The following RBFOX1 variants were observed in gnomAD, a reference collection of about 807,000 sequenced individuals.
RBFOX1 encodes the protein RNA binding protein fox-1 homolog 1.
Under a neutral mutation model 57.7 loss-of-function variants are expected in RBFOX1, and 8 were observed. That is an observed-to-expected ratio of 0.14 (90% CI 0.08 to 0.25). The LOEUF (loss-of-function observed/expected upper bound fraction) is 0.25, where lower values mean the gene tolerates loss of function less well. Among genes scored for constraint, RBFOX1 ranks in the 10% least tolerant of loss-of-function variants. The pLI, the probability that RBFOX1 is intolerant of heterozygous loss-of-function variation, is 1.00. For synonymous variants in RBFOX1, 326 were observed against 222.4 expected (o/e 1.47, Z -4.15); for missense variants, 611 against 548.5 (o/e 1.11, Z -1.14).
At chr16:7,458,157 C>T (rs571988240) in intron 4 of RBFOX1, among the ~76,000 whole-genome samples, 10 of 152,256 alleles carry the variant, frequency 6.6e-5, no homozygotes, top group African/African-American at 1.7e-4. Context: ...TCATGGTGTG[C>T]ACCACACGTC....
At chr16:6,531,974 A>G (rs914663859) in intron 2 of RBFOX1, among the ~76,000 whole-genome samples, 4 of 152,186 alleles carry the variant, frequency 2.6e-5, no homozygotes. Flanking sequence ...TAGTTGAAAA[A>G]GCAGTGTTGG....
intron 3 of RBFOX1, among the ~76,000 whole-genome samples, chr16:5,775,199 C>T (rs117816987): frequency 1.3e-5 from 2 of 152,276 alleles, no homozygotes; most frequent in African/African-American, 2.4e-5. Context: ...AATACCCTAA[C>T]GGGGGACATA....
At chr16:5,621,075 C>T (rs1482597343) in intron 3 of RBFOX1, among the ~76,000 whole-genome samples, 7 of 152,188 alleles carry the variant, frequency 4.6e-5, no homozygotes, top group Admixed American at 3.3e-4. Context: ...GTCCTGACCT[C>T]GTGATCCGCC....
At chr16:6,217,403 C>G (rs1452168800) in intron 1 of RBFOX1, among the ~76,000 whole-genome samples, 1 of 151,812 alleles carries the variant, frequency 6.6e-6, no homozygotes, top group Non-Finnish European at 1.5e-5. Flanking sequence ...TCAGTGATCT[C>G]TCAGAATTGA....
chr16:6,966,956 A>C (rs7185845), intron 3 of RBFOX1, among the ~76,000 whole-genome samples: 1 of 151,000 alleles, frequency 6.6e-6, no homozygotes, highest in Admixed American at 6.6e-5. Context: ...CCTATTATCT[A>C]TTTGCCTATA....
intron 4 of RBFOX1, among the ~76,000 whole-genome samples, chr16:6,011,575 AG>A (rs1032270537): frequency 2.6e-5 from 4 of 152,186 alleles, no homozygotes; most frequent in African/African-American, 9.7e-5. Context: ...CTGTAGTTAA[AG>A]GTCATGTCTC....
intron 3 of RBFOX1, among the ~76,000 whole-genome samples, chr16:6,823,559 C>T (rs112851595): frequency 7.6e-4 from 116 of 152,188 alleles, no homozygotes; most frequent in African/African-American, 2.6e-3. Flanking sequence ...GTCTGGCCAC[C>T]ACATGAAATT....
At chr16:5,914,352 G>A (rs1026571707) in intron 4 of RBFOX1, among the ~76,000 whole-genome samples, 17 of 152,306 alleles carry the variant, frequency 1.1e-4, no homozygotes, top group African/African-American at 3.6e-4. Flanking sequence ...TTCCCCTGGT[G>A]CAGGATCTCT....
chr16:7,450,708 G>C (rs557521447), intron 4 of RBFOX1, among the ~76,000 whole-genome samples: 1 of 152,110 alleles, frequency 6.6e-6, no homozygotes, highest in Non-Finnish European at 1.5e-5. Context: ...CCTACTGGGC[G>C]CCAGGCATGG....
At chr16:6,798,948 T>G (rs565767945) in intron 3 of RBFOX1, among the ~76,000 whole-genome samples, 74 of 152,292 alleles carry the variant, frequency 4.9e-4, no homozygotes, top group African/African-American at 1.8e-3. Context: ...TCTCTTCAAA[T>G]GGCTACTTGT....
At chr16:6,801,464 A>T (rs1174169894) in intron 3 of RBFOX1, among the ~76,000 whole-genome samples, 1 of 152,184 alleles carries the variant, frequency 6.6e-6, no homozygotes, top group African/African-American at 2.4e-5. Context: ...CTAATAGCAA[A>T]TATAAAGATT....
intron 3 of RBFOX1, among the ~76,000 whole-genome samples, chr16:6,883,110 A>G: frequency 6.6e-6 from 1 of 152,188 alleles, no homozygotes; most frequent in East Asian, 1.9e-4. Context: ...ATGAATGGCT[A>G]CAGTATATAT....
At chr16:7,050,198 T>G (rs770248124) in intron 3 of RBFOX1, among the ~76,000 whole-genome samples, 45 of 151,836 alleles carry the variant, frequency 3.0e-4, no homozygotes, top group Non-Finnish European at 5.2e-4. Flanking sequence ...GTTTCTTTTT[T>G]AATTTTTTGG....
intron 12 of RBFOX1, 93 bp downstream of exon 12, chr16:7,654,040 T>TC (rs2065731311): frequency 7.6e-7 from 1 of 1,320,354 alleles, no homozygotes; most frequent in Admixed American, 3.0e-5. Flanking sequence ...TGGTCTTGAC[T>TC]CCCCCTCCGC....
chr16:5,839,106 A>G (rs1402874685), intron 3 of RBFOX1, among the ~76,000 whole-genome samples: 1 of 152,212 alleles, frequency 6.6e-6, no homozygotes, highest in Non-Finnish European at 1.5e-5. Flanking sequence ...ATCTGGTCCC[A>G]AATTTCAACA....
At chr16:7,479,542 C>A (rs551240534) in intron 4 of RBFOX1, among the ~76,000 whole-genome samples, 1 of 152,270 alleles carries the variant, frequency 6.6e-6, no homozygotes, top group South Asian at 2.1e-4. Context: ...CAAGAGCCTG[C>A]CTTTTCCCGG....
At chr16:5,280,566 C>G (rs1324793205) in intron 1 of RBFOX1, among the ~76,000 whole-genome samples, 1 of 152,134 alleles carries the variant, frequency 6.6e-6, no homozygotes, top group Non-Finnish European at 1.5e-5. Context: ...TAGTTTAGGG[C>G]TTTTCTCTTT....
intron 1 of RBFOX1, among the ~76,000 whole-genome samples, chr16:5,373,455 C>G (rs959951837): frequency 1.6e-4 from 24 of 151,948 alleles, no homozygotes; most frequent in African/African-American, 5.8e-4. Context: ...TGTGTAGCAC[C>G]TCTCCCTTCA....
chr16:7,224,044 T>C (rs2092926781), intron 4 of RBFOX1, among the ~76,000 whole-genome samples: 2 of 148,940 alleles, frequency 1.3e-5, no homozygotes, highest in Admixed American at 1.4e-4. Flanking sequence ...ATTTATGACC[T>C]TTGGGATGCA....
Sources: allele counts gnomAD v4.1 joint callset (sites outside exome capture counted in the v4.1 genomes callset), GRCh38; gene constraint gnomAD v4.1.1; transcripts MANE v1.5; gene names NCBI Gene and HGNC (gene_info 2026-07-23, HGNC 2026-07-21).